Variants in CLMN observed in about 807,000 individuals in gnomAD.
CLMN encodes calmin (calponin-like, transmembrane).
In CLMN, 57 loss-of-function variants were observed where a neutral mutation model predicts 92.7. That is an observed-to-expected ratio of 0.61 (90% CI 0.50 to 0.77). CLMN has a LOEUF of 0.77. Among genes scored for constraint, CLMN ranks in the 30% least tolerant of loss-of-function variants. The pLI is 0.00. For missense variants in CLMN, 1,158 were observed against 1,237.5 expected, an observed-to-expected ratio of 0.94 and a Z score of 0.96; for synonymous variants, 466 against 470.6, an observed-to-expected ratio of 0.99 and a Z score of 0.13.
At chr14:95,224,032 A>AGC (rs1169414149) in intron 2 of CLMN, among the ~76,000 whole-genome samples, 177 bp from the exon 3 acceptor site, 1 of 152,244 alleles carries the variant, frequency 6.6e-6, no homozygotes, top group Admixed American at 6.5e-5. Context: ...ATACCCAGGC[A>AGC]GCGGTGCACA....
rs754326250 is a variant in CLMN at position 95,194,508 on chromosome 14, C to A, written c.2769+28G>T. 2 of 1,613,838 alleles carry A rather than the reference C, an allele frequency of 1.2e-6. No individual in the cohort carries two copies. The highest frequency in any genetic ancestry group is 4.5e-5 in the East Asian group (2 of 44,868). ...AAGGAATTGATTAGCAGGGGCCGTG[C>A]GGAAAGAGAAGAAATTCACATACTA... is the stretch of plus-strand genomic sequence containing the variant. On this transcript the variant is annotated intron_variant, in intron 11 of 12. Transcript: ENST00000298912. The surrounding 1 kb of genome is among the most constrained non-coding windows in gnomAD (Gnocchi z 4.0).
At position 95,276,816 on chromosome 14, in the gene CLMN, G is replaced by C. The variant is rs566646257; in HGVS notation, c.82+42895C>G. On this transcript the variant is annotated intron_variant, in intron 1 of 12. Coordinates refer to ENST00000298912, the MANE Select transcript of CLMN (RefSeq NM_024734.4). Reference sequence around the variant, plus strand: ...ACTGAGCTGGGTGGATAATGTCTGTGTTTTGTCACGCATATTTTTCTCTGG... The same window carrying C: ...ACTGAGCTGGGTGGATAATGTCTGTCTTTTGTCACGCATATTTTTCTCTGG... Among the ~76,000 whole-genome samples the C allele has an allele frequency of 5.3e-5, 8 of 152,260 alleles. No homozygotes were observed. The South Asian group carries it at 1.7e-3, about 32-fold the overall frequency.
chr14:95,252,482 C>T (rs771417249), intron 1 of CLMN, among the ~76,000 whole-genome samples: 1 of 152,226 alleles, frequency 6.6e-6, no homozygotes, highest in Non-Finnish European at 1.5e-5. Context: ...CCAAGCAAGA[C>T]TCATTGCTTA....
At chr14:95,206,885 C>A (rs1480055672) in intron 8 of CLMN, among the ~76,000 whole-genome samples, 1 of 152,170 alleles carries the variant, frequency 6.6e-6, no homozygotes, top group Admixed American at 6.5e-5. Context: ...CTAATGAAAG[C>A]CCCAATGCCT....
intron 1 of CLMN, among the ~76,000 whole-genome samples, chr14:95,289,650 A>C (rs544154050): frequency 6.6e-6 from 1 of 152,258 alleles, no homozygotes; most frequent in African/African-American, 2.4e-5. Flanking sequence ...AAGGCTTCAA[A>C]CCAGGGAAAA....
chr14:95,196,342 A>T (rs1240744183), intron 10 of CLMN, among the ~76,000 whole-genome samples, 156 bp downstream of exon 10: 1 of 152,186 alleles, frequency 6.6e-6, no homozygotes, highest in Non-Finnish European at 1.5e-5. Context: ...TGGGTCGGGG[A>T]ACCCAGGTGT....
At chr14:95,205,388 T>C (rs183592319) in intron 8 of CLMN, among the ~76,000 whole-genome samples, 9 of 152,228 alleles carry the variant, frequency 5.9e-5, no homozygotes, top group Non-Finnish European at 1.5e-5. Context: ...GGAGTTAGAA[T>C]TCACAAGCAA....
At chr14:95,251,234 G>C (rs934361971) in intron 1 of CLMN, among the ~76,000 whole-genome samples, 1 of 152,186 alleles carries the variant, frequency 6.6e-6, no homozygotes, top group African/African-American at 2.4e-5. Context: ...CCACCATCCT[G>C]CATTCTAAGA....
Position 95,215,494 on chromosome 14 carries a change from T to C in CLMN, c.417+147A>G, listed in dbSNP as rs1054461058. On this transcript the variant is annotated intron_variant, in intron 5 of 12. Transcript: ENST00000298912. ...CTCAAACACTTTAGCAACCAGATTC[T>C]TCTAGTGCTTTTTCAGTGAGTAGAA... 4.5e-6 allele frequency: 3 copies of C among 664,862 alleles called. No homozygotes were observed. In the East Asian group the frequency reaches 8.2e-5, roughly 18 times the overall value. 41.2% of individuals were successfully genotyped at this position (664,862 alleles called of 1,614,324 possible). A position where few individuals can be genotyped will look rare whatever the true frequency, so the allele number is the denominator to read the frequency against.
At position 95,186,393 on chromosome 14, in the gene CLMN, C is replaced by T. The variant is rs2140548543; in HGVS notation, c.*5171G>A. ...CTGCCCGAGGGGCAGCAAGAGTGTC[C>T]TGCTTCTGAGCCTTGGTGGGAGAAC... On this transcript the variant is annotated 3_prime_UTR_variant, in exon 13 of 13. Coordinates refer to ENST00000298912, the MANE Select transcript of CLMN (RefSeq NM_024734.4). 6.6e-6 allele frequency: 1 copy of T among 152,344 alleles called. No individual in the cohort carries two copies. The highest frequency in any genetic ancestry group is 1.5e-5 in the Non-Finnish European group (1 of 68,032). 9.4% of individuals were successfully genotyped at this position (152,344 alleles called of 1,614,324 possible).
At position 95,195,079 on chromosome 14, in the gene CLMN, G is replaced by A. The variant is rs138795410; in HGVS notation, c.2709-483C>T. 3.4e-3 allele frequency among the ~76,000 whole-genome samples: 515 copies of A among 152,314 alleles called. 16 individuals are homozygous for A. The highest frequency in any genetic ancestry group is 0.029 in the Admixed American group (448 of 15,302). On this transcript the variant is annotated intron_variant, in intron 10 of 12. Transcript: ENST00000298912. ...CAGTCCTAGCGGAATGGAGGGTAAC[G>A]TCCTATTTCCTTGAAGGATGGAGCC... is the stretch of plus-strand genomic sequence containing the variant.
intron 1 of CLMN, among the ~76,000 whole-genome samples, chr14:95,318,264 GTTCTTC>G (rs1401851211): frequency 6.6e-6 from 1 of 152,164 alleles, no homozygotes; most frequent in Non-Finnish European, 1.5e-5. Flanking sequence ...CAGGATGTCA[GTTCTTC>G]TCAGGCAACA....
chr14:95,311,671 C>T (rs1031353134), intron 1 of CLMN, among the ~76,000 whole-genome samples: 73 of 152,144 alleles, frequency 4.8e-4, no homozygotes, highest in African/African-American at 1.7e-3. Context: ...CCGTCTGGGA[C>T]GCACCATCCT....
chr14:95,296,680 C>T (rs538132105), intron 1 of CLMN, among the ~76,000 whole-genome samples: 15 of 152,298 alleles, frequency 9.8e-5, no homozygotes, highest in South Asian at 8.3e-4. Context: ...GTTAATGTAA[C>T]GGCTGGAGCT....
rs574467486 is a variant in CLMN, at chr14:95,191,470, G to A, written c.*94C>T. ...TAAGTTTCCTCGGAGGTCCTCAACT[G>A]TCTGTAGAAGTGCCCCACCCAGAAC... On this transcript the variant is annotated 3_prime_UTR_variant, in exon 13 of 13. Coordinates refer to ENST00000298912, the MANE Select transcript of CLMN (RefSeq NM_024734.4). This position sits in a 1 kb window ranked among gnomAD's most constrained non-coding sequence, Gnocchi z 5.3. 122 of 978,040 alleles carry A rather than the reference G, an allele frequency of 1.2e-4. No homozygotes were observed. The African/African-American group carries it at 1.9e-3, about 15-fold the overall frequency. The allele number at this position is 978,040 out of a possible 1,614,324, so 60.6% of individuals were successfully genotyped here.
In CLMN at chr14:95,203,510, A is replaced by G. The variant is rs1896950410; in HGVS notation, c.1839T>C (p.Ala613=). 6.2e-7 allele frequency: 1 copy of G among 1,613,888 alleles called. No homozygotes were observed. Among genetic ancestry groups the G allele is most frequent in the African/African-American group, 1.3e-5 (1 of 74,828 alleles). Residue 613 remains alanine, a synonymous_variant, in exon 9 of 13, where the codon GCT becomes GCC. Coordinates refer to ENST00000298912, the MANE Select transcript of CLMN (RefSeq NM_024734.4). ...GCTCTGGCGAATCCTTCTTTTTGTG[A>G]GCAGATTTAATACTCCTTTTACCTA... The part of the protein sequence containing the change: ...EKLGKRSIKS[A]HKKKDSPEPQ...
chr14:95,202,917 G>A lies in CLMN; in HGVS notation c.2432C>T (p.Ser811Leu). The change falls in exon 9 of 13, where the codon TCA becomes TTA. Residue 811 changes from serine (S) to leucine (L), a missense_variant. Transcript: ENST00000298912. ...SRGGVGTTPA[S>L]EPAPLAPHED... ...ATGGGGGGCCAGTGGAGCGGGTTCT[G>A]AGGCTGGTGTGGTACCCACACCACC... is the stretch of plus-strand genomic sequence containing the variant. 3.8e-6 allele frequency: 6 copies of A among 1,598,192 alleles called. No individual in the cohort carries two copies. Among genetic ancestry groups the A allele is most frequent in the Non-Finnish European group, 5.1e-6 (6 of 1,174,568 alleles).
At chr14:95,306,733 GC>G (rs1901295419) in intron 1 of CLMN, among the ~76,000 whole-genome samples, 1 of 152,182 alleles carries the variant, frequency 6.6e-6, no homozygotes, top group Non-Finnish European at 1.5e-5. Flanking sequence ...TTACTACACA[GC>G]TAAGCTCTGA....
chr14:95,194,394 G>T lies in CLMN; in HGVS notation c.2769+142C>A. On this transcript the variant is annotated intron_variant, in intron 11 of 12. Coordinates refer to ENST00000298912, the MANE Select transcript of CLMN (RefSeq NM_024734.4). This position sits in a 1 kb window ranked among gnomAD's most constrained non-coding sequence, Gnocchi z 4.0. ...CCGATCGGACTGTGCTTAATGATAA[G>T]GTTCCAATCTGCTTGTCTTCTATCC... The T allele has an allele frequency of 6.6e-7, 1 of 1,511,666 alleles. No homozygotes were observed. Among genetic ancestry groups the T allele is most frequent in the Non-Finnish European group, 8.9e-7 (1 of 1,128,406 alleles). 93.6% of individuals were successfully genotyped at this position (1,511,666 alleles called of 1,614,324 possible).
Sources: allele counts gnomAD v4.1 joint callset (sites outside exome capture counted in the v4.1 genomes callset), GRCh38; gene constraint gnomAD v4.1.1; non-coding constraint Gnocchi (gnomAD v3.1); transcripts MANE v1.5; gene names NCBI Gene and HGNC (gene_info 2026-07-23, HGNC 2026-07-21).